The following TLL1 variants were observed in gnomAD, a reference collection of about 807,000 sequenced individuals.
TLL1 encodes the protein tolloid like 1.
In TLL1, 49 loss-of-function variants were observed where a neutral mutation model predicts 128.2. The ratio of observed to expected loss-of-function variants is 0.38; its 90% CI spans 0.30 to 0.48. The LOEUF is 0.48. Among genes scored for constraint, TLL1 ranks in the 20% least tolerant of loss-of-function variants. TLL1 has a pLI of 0.96. For missense variants in TLL1, 1,123 were observed against 1,242.0 expected (o/e 0.90, Z 1.44); for synonymous variants, 454 against 418.8 (o/e 1.08, Z -1.03).
chr4:166,007,944 T>A lies in TLL1; in HGVS notation c.813T>A (p.Gly271=), dbSNP rs1737513362. The A allele has an allele frequency of 6.2e-7, 1 of 1,604,528 alleles. No homozygotes were observed. The highest frequency in any genetic ancestry group is 1.3e-5 in the African/African-American group (1 of 74,592). Residue 271 remains glycine (G), a splice_region_variant and synonymous_variant, in exon 7 of 21, where the codon GGT becomes GGA. Transcript: ENST00000061240. Reference sequence around the variant, plus strand: ...ATTTTGTTTATCCCTGGTTCTTAGGTCAAGAGTACAATTTTCTGAAGATGG... The same window carrying A: ...ATTTTGTTTATCCCTGGTTCTTAGGACAAGAGTACAATTTTCTGAAGATGG... ...VTIIRENIQP[G]QEYNFLKMEP...
intron 7 of TLL1, among the ~76,000 whole-genome samples, chr4:166,013,252 A>C (rs1032283581): frequency 6.6e-6 from 1 of 151,872 alleles, no homozygotes; most frequent in Non-Finnish European, 1.5e-5. Flanking sequence ...AGTACCTATT[A>C]CTACCTGGAT....
In TLL1 at chr4:165,975,752, AGAT is replaced by A. The variant is rs1303657964; in HGVS notation, c.170-13626_170-13624del. On this transcript the variant is annotated intron_variant, in intron 1 of 20. Transcript: ENST00000061240. ...ATTAGAAGCCTCTTTAGAAGTTGTA[AGAT>A]GACCAGGCATGGTGGATCATGCCTG... Among the ~76,000 whole-genome samples, 3 of 152,088 alleles carry A rather than the reference AGAT, an allele frequency of 2.0e-5. No individual in the cohort carries two copies. The East Asian group carries it at 5.8e-4, about 29-fold the overall frequency.
chr4:166,093,472 G>A lies in TLL1; in HGVS notation c.2656+2131G>A, dbSNP rs189598767. The stretch of plus-strand genomic sequence containing the variant: ...AGCAGCATTGCTGCCAACATGTCTC[G>A]CCTCCTGCCATAGGGCGGTTTTTCT... On this transcript the variant is annotated intron_variant, in intron 19 of 20. Coordinates refer to ENST00000061240, the MANE Select transcript of TLL1 (RefSeq NM_012464.5). 1.1e-4 allele frequency among the ~76,000 whole-genome samples: 17 copies of A among 152,248 alleles called. No individual in the cohort carries two copies. In the East Asian group the frequency reaches 2.1e-3, roughly 19 times the overall value.
At chr4:165,992,654 C>G (rs1736699914) in intron 2 of TLL1, 150 bp from the exon 3 acceptor site, 1 of 711,014 alleles carries the variant, frequency 1.4e-6, no homozygotes, top group African/African-American at 1.8e-5. Flanking sequence ...GTTTTTACCC[C>G]CTTCAAAGAT....
At chr4:165,907,558 T>TC in intron 1 of TLL1, among the ~76,000 whole-genome samples, 1 of 152,140 alleles carries the variant, frequency 6.6e-6, no homozygotes, top group East Asian at 1.9e-4. Flanking sequence ...GCCTTTTTTT[T>TC]TTTTTTTGAG....
At chr4:166,016,410 C>T (rs1358717221) in intron 8 of TLL1, among the ~76,000 whole-genome samples, 2 of 152,000 alleles carry the variant, frequency 1.3e-5, no homozygotes, top group Non-Finnish European at 2.9e-5. Flanking sequence ...ACATACATTA[C>T]ATTTGAGAAG....
chr4:165,898,494 G>A (rs989737127), intron 1 of TLL1, among the ~76,000 whole-genome samples: 2 of 152,240 alleles, frequency 1.3e-5, no homozygotes, highest in East Asian at 1.9e-4. Context: ...TAATCATGTG[G>A]TTTTTGTCAT....
chr4:165,894,744 A>G (rs1477231128), intron 1 of TLL1, among the ~76,000 whole-genome samples: 1 of 151,806 alleles, frequency 6.6e-6, no homozygotes, highest in African/African-American at 2.4e-5. Context: ...TTAGCTGGAG[A>G]TTTTTCATGG....
intron 1 of TLL1, among the ~76,000 whole-genome samples, chr4:165,908,829 T>C (rs1192971496): frequency 1.3e-5 from 2 of 152,068 alleles, no homozygotes; most frequent in African/African-American, 4.8e-5. Flanking sequence ...GTGTTAGTTA[T>C]GGAGGGAAGT....
chr4:165,918,565 T>G (rs1031464922), intron 1 of TLL1, among the ~76,000 whole-genome samples: 4 of 149,038 alleles, frequency 2.7e-5, no homozygotes, highest in South Asian at 2.1e-4. Flanking sequence ...ATTTTCTGGG[T>G]TTTTTTTTTC....
chr4:166,058,913 A>G (rs887078631), intron 14 of TLL1, among the ~76,000 whole-genome samples: 3 of 151,648 alleles, frequency 2.0e-5, no homozygotes, highest in African/African-American at 7.3e-5. Flanking sequence ...AAAATCAGAG[A>G]CTCCCTGTTT....
rs889497085 is a variant in TLL1 at position 165,904,783 on chromosome 4, C to T, written c.169+30710C>T. Among the ~76,000 whole-genome samples, 10 of 152,206 alleles carry T rather than the reference C, an allele frequency of 6.6e-5. No individual in the cohort carries two copies. In the East Asian group the frequency reaches 1.2e-3, roughly 18 times the overall value. Reference sequence around the variant, plus strand: ...TTTGATGAAGACTTGCATATGCAACCTATAAAGAAGTCTCAAAATCTAATA... The same window carrying T: ...TTTGATGAAGACTTGCATATGCAACTTATAAAGAAGTCTCAAAATCTAATA... On this transcript the variant is annotated intron_variant, in intron 1 of 20. Transcript: ENST00000061240.
At chr4:165,875,680 A>G (rs148332056) in intron 1 of TLL1, among the ~76,000 whole-genome samples, 1 of 152,292 alleles carries the variant, frequency 6.6e-6, no homozygotes, top group East Asian at 1.9e-4. Context: ...ACTTTTTGCT[A>G]AGAAATTTCT....
At chr4:166,091,807 A>G (rs1274275630) in intron 19 of TLL1, among the ~76,000 whole-genome samples, 1 of 151,890 alleles carries the variant, frequency 6.6e-6, no homozygotes, top group Non-Finnish European at 1.5e-5. Context: ...CAGAGCCTCT[A>G]TTTTTCCTTT....
At chr4:166,035,016 C>G (rs1046679666) in intron 9 of TLL1, among the ~76,000 whole-genome samples, 1 of 152,174 alleles carries the variant, frequency 6.6e-6, no homozygotes, top group Admixed American at 6.6e-5. Flanking sequence ...TTTCTAAGGG[C>G]AGAGCCCTCC....
At chr4:166,091,374 G>A (rs760999071) in intron 19 of TLL1, 33 bp downstream of exon 19, 2 of 1,589,506 alleles carry the variant, frequency 1.3e-6, no homozygotes, top group Non-Finnish European at 1.7e-6. Context: ...TCTCTTTTTT[G>A]ACTGAGATCC....
intron 1 of TLL1, among the ~76,000 whole-genome samples, chr4:165,918,722 C>T (rs1488181741): frequency 6.6e-6 from 1 of 152,118 alleles, no homozygotes; most frequent in African/African-American, 2.4e-5. Context: ...ATTTTCATTT[C>T]CTCTAGTTTG....
intron 9 of TLL1, among the ~76,000 whole-genome samples, chr4:166,031,762 T>A (rs1445558851): frequency 1.3e-5 from 2 of 152,154 alleles, no homozygotes; most frequent in African/African-American, 4.8e-5. Context: ...CAAAAACCTG[T>A]CTCAAAATTT....
chr4:166,100,679 C>T (rs1560872548), intron 20 of TLL1, 63 bp from the exon 21 acceptor site: 1 of 1,603,572 alleles, frequency 6.2e-7, no homozygotes, highest in Non-Finnish European at 8.5e-7. Context: ...ATGCGTTACA[C>T]TGAAGAAAAA....
Sources: allele counts gnomAD v4.1 joint callset (sites outside exome capture counted in the v4.1 genomes callset), GRCh38; gene constraint gnomAD v4.1.1; transcripts MANE v1.5; gene names NCBI Gene and HGNC (gene_info 2026-07-23, HGNC 2026-07-21).